AUTS2: variants seen among roughly 807,000 people sequenced by gnomAD.
AUTS2 encodes autism susceptibility gene 2 protein.
A neutral mutation model predicts 112.4 loss-of-function variants in AUTS2; 17 were observed. That is an observed-to-expected ratio of 0.15 (90% CI 0.10 to 0.23). The LOEUF is 0.23. AUTS2 is among the 10% of genes least tolerant of loss of function. The pLI is 1.00. For synonymous variants in AUTS2, 751 were observed against 702.7 expected, an observed-to-expected ratio of 1.07 and a Z score of -1.09; for missense variants, 1,510 against 1,701.6, an observed-to-expected ratio of 0.89 and a Z score of 1.98.
At chr7:70,657,067 A>G (rs1015324935) in intron 5 of AUTS2, among the ~76,000 whole-genome samples, 10 of 152,114 alleles carry the variant, frequency 6.6e-5, no homozygotes, top group Admixed American at 2.0e-4. Flanking sequence ...CTCTGATGGC[A>G]TTTTGATGCC....
chr7:70,660,101 C>T (rs532850328), intron 5 of AUTS2, among the ~76,000 whole-genome samples: 5 of 151,782 alleles, frequency 3.3e-5, no homozygotes, highest in Non-Finnish European at 7.4e-5. Flanking sequence ...CACTTGAAAC[C>T]AGGAGGCAGA....
intron 4 of AUTS2, among the ~76,000 whole-genome samples, chr7:70,265,010 C>G (rs571461732): frequency 6.6e-6 from 1 of 152,208 alleles, no homozygotes; most frequent in Non-Finnish European, 1.5e-5. Flanking sequence ...CATTAGAGTT[C>G]AAGGCATTCC....
At chr7:70,410,113 A>G (rs1404304662) in intron 4 of AUTS2, among the ~76,000 whole-genome samples, 1 of 152,168 alleles carries the variant, frequency 6.6e-6, no homozygotes, top group Non-Finnish European at 1.5e-5. Context: ...CTTTATAATT[A>G]GCTTTTGTGC....
chr7:69,881,247 C>A (rs1794029404), intron 1 of AUTS2, among the ~76,000 whole-genome samples: 1 of 152,170 alleles, frequency 6.6e-6, no homozygotes, highest in Admixed American at 6.5e-5. Flanking sequence ...TGTGTCAGTA[C>A]TCAGCTGGGA....
intron 1 of AUTS2, among the ~76,000 whole-genome samples, chr7:69,604,891 A>G (rs567534529): frequency 1.8e-4 from 28 of 152,370 alleles, no homozygotes; most frequent in Admixed American, 3.3e-4. Context: ...TCAAGCTGGA[A>G]GGGAACATAG....
At chr7:69,843,119 A>G (rs1449472035) in intron 1 of AUTS2, among the ~76,000 whole-genome samples, 5 of 152,162 alleles carry the variant, frequency 3.3e-5, no homozygotes, top group African/African-American at 1.2e-4. Flanking sequence ...AGTAAGATAA[A>G]GTGATTCAAG....
chr7:69,903,293 G>A (rs1476998079), intron 2 of AUTS2, among the ~76,000 whole-genome samples: 1 of 152,210 alleles, frequency 6.6e-6, no homozygotes, highest in African/African-American at 2.4e-5. Context: ...TTCCTGAGAA[G>A]CACTTTGGGA....
chr7:70,393,358 C>T (rs906366321), intron 4 of AUTS2, among the ~76,000 whole-genome samples: 2 of 152,184 alleles, frequency 1.3e-5, no homozygotes, highest in African/African-American at 2.4e-5. Flanking sequence ...GTTTTACTAA[C>T]CAGCAGCGCT....
intron 5 of AUTS2, among the ~76,000 whole-genome samples, chr7:70,623,576 A>G (rs1441136057): frequency 6.6e-6 from 1 of 152,218 alleles, no homozygotes; most frequent in African/African-American, 2.4e-5. Flanking sequence ...GTATCAGACG[A>G]TACAGAACAT....
chr7:70,336,430 A>G (rs921857779), intron 4 of AUTS2, among the ~76,000 whole-genome samples: 3 of 152,086 alleles, frequency 2.0e-5, no homozygotes, highest in Admixed American at 1.3e-4. Context: ...TATGTTTTCT[A>G]TTATTTCAAT....
intron 1 of AUTS2, among the ~76,000 whole-genome samples, chr7:69,813,707 G>A (rs557732070): frequency 3.9e-4 from 60 of 152,298 alleles, no homozygotes; most frequent in African/African-American, 1.1e-3. Flanking sequence ...GAAGGGGAGT[G>A]TCTGAAAATG....
At chr7:69,707,055 G>C (rs1798090158) in intron 1 of AUTS2, among the ~76,000 whole-genome samples, 1 of 152,110 alleles carries the variant, frequency 6.6e-6, no homozygotes, top group African/African-American at 2.4e-5. Flanking sequence ...TTTCTGTATA[G>C]AGAACACCTG....
rs1424079909 is a variant in AUTS2, at chr7:69,635,504, A to G, written c.309+35542A>G. On this transcript the variant is annotated intron_variant, in intron 1 of 18. Transcript: ENST00000342771. ...AAGTCTGTATGTGGGGTCAGTCTTA[A>G]CAAGGAAAGCTGACATGAATGCTCT... Among the ~76,000 whole-genome samples, 3 of 152,198 alleles carry G rather than the reference A, an allele frequency of 2.0e-5. No individual in the cohort carries two copies. The East Asian group carries it at 5.8e-4, about 29-fold the overall frequency.
At chr7:70,412,636 T>A (rs1794824798) in intron 4 of AUTS2, among the ~76,000 whole-genome samples, 1 of 152,224 alleles carries the variant, frequency 6.6e-6, no homozygotes, top group Non-Finnish European at 1.5e-5. Context: ...CAAATGTTTC[T>A]TTGCATCTTG....
At chr7:70,284,719 T>G (rs1788377095) in intron 4 of AUTS2, among the ~76,000 whole-genome samples, 1 of 152,126 alleles carries the variant, frequency 6.6e-6, no homozygotes, top group Admixed American at 6.6e-5. Flanking sequence ...TTTCTCAAGT[T>G]CGTTATAAAG....
chr7:70,783,230 A>T (rs1402867707), intron 15 of AUTS2: 1 of 152,198 alleles, frequency 6.6e-6, no homozygotes, highest in Non-Finnish European at 1.5e-5. Context: ...TAACGGCCTG[A>T]TGAATATTCT....
intron 2 of AUTS2, among the ~76,000 whole-genome samples, chr7:69,956,491 A>C (rs1797215112): frequency 6.6e-6 from 1 of 152,184 alleles, no homozygotes; most frequent in Non-Finnish European, 1.5e-5. Flanking sequence ...CGGTTGAAAC[A>C]GTGCTATAGA....
chr7:70,428,686 A>G (rs1269021329), intron 4 of AUTS2, among the ~76,000 whole-genome samples: 1 of 152,238 alleles, frequency 6.6e-6, no homozygotes, highest in Non-Finnish European at 1.5e-5. Context: ...GGTGGCAATG[A>G]TAAATGGATT....
At chr7:70,315,749 C>T (rs1280887594) in intron 4 of AUTS2, among the ~76,000 whole-genome samples, 1 of 152,214 alleles carries the variant, frequency 6.6e-6, no homozygotes, top group Non-Finnish European at 1.5e-5. Context: ...ATCCGGTCGA[C>T]AATCCATGTC....
Sources: allele counts gnomAD v4.1 joint callset (sites outside exome capture counted in the v4.1 genomes callset), GRCh38; gene constraint gnomAD v4.1.1; transcripts MANE v1.5; gene names NCBI Gene and HGNC (gene_info 2026-07-23, HGNC 2026-07-21).